The following MRAP2 variants were observed in gnomAD, a reference collection of about 807,000 sequenced individuals.
MRAP2 encodes melanocortin-2 receptor accessory protein 2.
Under a neutral mutation model 17.4 loss-of-function variants are expected in MRAP2, and 20 were observed. The observed-to-expected ratio is 1.15, with a 90% CI of 0.81 to 1.67. MRAP2 has a LOEUF of 1.67. MRAP2 is among the 40% of genes most tolerant of loss of function. The pLI is 0.00. For missense variants in MRAP2, 238 were observed against 240.0 expected (o/e 0.99, Z 0.05); for synonymous variants, 96 against 88.4 (o/e 1.09, Z -0.48).
chr6:84,114,509 T>C, the MRAP2 span, among the ~76,000 whole-genome samples: 44 of 152,272 alleles, frequency 2.9e-4, no homozygotes, highest in South Asian at 8.9e-3. Context: ...CTTCCTTGCA[T>C]TGGGTTAGAA....
At chr6:84,060,843 A>G (rs1041236349) in intron 2 of MRAP2, among the ~76,000 whole-genome samples, 3 of 138,256 alleles carry the variant, frequency 2.2e-5, no homozygotes, top group Non-Finnish European at 3.0e-5. Flanking sequence ...CTGCCACCAC[A>G]CCCGGCTAAT....
intron 1 of MRAP2, among the ~76,000 whole-genome samples, chr6:84,052,440 T>C (rs775868250): frequency 6.2e-4 from 95 of 152,138 alleles, no homozygotes; most frequent in Admixed American, 1.0e-3. Context: ...GCTTGGAGAG[T>C]CATTGCTGGG....
At chr6:84,085,022 T>C (rs2099500046) in intron 3 of MRAP2, among the ~76,000 whole-genome samples, 1 of 151,620 alleles carries the variant, frequency 6.6e-6, no homozygotes, top group Non-Finnish European at 1.5e-5. Context: ...TATGTATACA[T>C]GTGCCATGTT....
At chr6:84,061,560 A>G (rs2099493180) in intron 2 of MRAP2, among the ~76,000 whole-genome samples, 1 of 152,236 alleles carries the variant, frequency 6.6e-6, no homozygotes, top group African/African-American at 2.4e-5. Flanking sequence ...TATGGAAATT[A>G]GTTGAGGCTT....
At chr6:84,117,574 C>A in the MRAP2 span, among the ~76,000 whole-genome samples, 1 of 150,654 alleles carries the variant, frequency 6.6e-6, no homozygotes, top group Non-Finnish European at 1.5e-5. Flanking sequence ...GATTCAATTT[C>A]TTTCTGGTTC....
the MRAP2 span, among the ~76,000 whole-genome samples, chr6:84,104,187 A>C: frequency 1.3e-5 from 2 of 152,196 alleles, no homozygotes; most frequent in Non-Finnish European, 1.5e-5. Context: ...GCCGAGCTCT[A>C]CATTGGCCAC....
At chr6:84,047,599 A>G (rs1165871950) in intron 1 of MRAP2, among the ~76,000 whole-genome samples, 2 of 152,216 alleles carry the variant, frequency 1.3e-5, no homozygotes, top group African/African-American at 4.8e-5. Flanking sequence ...GGCATTAAAT[A>G]TATTTACATT....
At chr6:84,062,041 G>A (rs2099493303) in intron 2 of MRAP2, 2 of 985,448 alleles carry the variant, frequency 2.0e-6, no homozygotes, top group Non-Finnish European at 2.4e-6. Flanking sequence ...GAAGTAATGA[G>A]AGCCTGAATT....
chr6:84,134,033 C>T, the MRAP2 span, among the ~76,000 whole-genome samples: 1 of 152,226 alleles, frequency 6.6e-6, no homozygotes, highest in Non-Finnish European at 1.5e-5. Context: ...ACTGGGGCTG[C>T]TGCCTTTAAG....
chr6:84,086,667 C>A (rs73483256), intron 3 of MRAP2, among the ~76,000 whole-genome samples: 302 of 152,094 alleles, frequency 2.0e-3, no homozygotes, highest in African/African-American at 6.6e-3. Context: ...GTTGCCATAC[C>A]AAGGGATCAT....
the MRAP2 span, among the ~76,000 whole-genome samples, chr6:84,137,520 A>G: frequency 6.6e-6 from 1 of 152,172 alleles, no homozygotes; most frequent in Non-Finnish European, 1.5e-5. Context: ...TATATCTTTT[A>G]TAAAATATGC....
intron 1 of MRAP2, among the ~76,000 whole-genome samples, chr6:84,034,326 G>A (rs1046171749): frequency 6.6e-6 from 1 of 152,116 alleles, no homozygotes; most frequent in Non-Finnish European, 1.5e-5. Flanking sequence ...CTGGCTCCTG[G>A]CCCCGGGCGC....
chr6:84,092,169 GATTA>G (rs1332893179), downstream of MRAP2, among the ~76,000 whole-genome samples: 2 of 152,080 alleles, frequency 1.3e-5, no homozygotes, highest in Non-Finnish European at 2.9e-5. Flanking sequence ...GGACCTTTGT[GATTA>G]CATTGGGTTA....
At chr6:84,071,763 G>T (rs955051666) in intron 3 of MRAP2, among the ~76,000 whole-genome samples, 1 of 152,056 alleles carries the variant, frequency 6.6e-6, no homozygotes, top group African/African-American at 2.4e-5. Flanking sequence ...CTTCTTGGAG[G>T]CTTCTTTCGT....
chr6:84,038,926 C>T (rs1465280180), intron 1 of MRAP2, among the ~76,000 whole-genome samples: 1 of 152,192 alleles, frequency 6.6e-6, no homozygotes, highest in Non-Finnish European at 1.5e-5. Context: ...ATACAGTTGA[C>T]ATTTGAGCAG....
the MRAP2 span, among the ~76,000 whole-genome samples, chr6:84,104,242 C>G: frequency 6.6e-6 from 1 of 152,304 alleles, no homozygotes; most frequent in African/African-American, 2.4e-5. Context: ...CACCAAGTCC[C>G]TAGGCTGCAC....
At chr6:84,101,118 C>T in the MRAP2 span, among the ~76,000 whole-genome samples, 1 of 152,126 alleles carries the variant, frequency 6.6e-6, no homozygotes, top group Non-Finnish European at 1.5e-5. Flanking sequence ...TTGTTCACAT[C>T]CTCCTTCATC....
At chr6:84,095,034 T>G (rs536096992), downstream of MRAP2, among the ~76,000 whole-genome samples, 1 of 152,320 alleles carries the variant, frequency 6.6e-6, no homozygotes, top group East Asian at 1.9e-4. Flanking sequence ...TGTGTTTTGT[T>G]TTTTTACAAC....
chr6:84,053,489 G>A lies in MRAP2; in HGVS notation c.-7-1823G>A, dbSNP rs572629135. 2.2e-3 allele frequency among the ~76,000 whole-genome samples: 330 copies of A among 152,206 alleles called. 1 individual carries two copies. Among genetic ancestry groups the A allele is most frequent in the African/African-American group, 7.4e-3 (307 of 41,544 alleles). On this transcript the variant is annotated intron_variant, in intron 1 of 3. Coordinates refer to ENST00000257776, the MANE Select transcript of MRAP2 (RefSeq NM_138409.4). Reference sequence around the variant, plus strand: ...AGTTTTATTTATTTGTCTAGGCACCGTGGCTCACAGTTGTAATCCCAACAC... The same window carrying A: ...AGTTTTATTTATTTGTCTAGGCACCATGGCTCACAGTTGTAATCCCAACAC...
Sources: allele counts gnomAD v4.1 joint callset (sites outside exome capture counted in the v4.1 genomes callset), GRCh38; gene constraint gnomAD v4.1.1; transcripts MANE v1.5; gene names NCBI Gene and HGNC (gene_info 2026-07-23, HGNC 2026-07-21).